Variants in SPOUT1 observed in about 807,000 individuals in gnomAD.
SPOUT1 encodes SPOUT domain containing methyltransferase 1, also known as 28S rRNA (uridine-N(3))-methyltransferase.
A neutral mutation model predicts 54.8 loss-of-function variants in SPOUT1; 40 were observed. The observed-to-expected ratio is 0.73, with a 90% CI of 0.57 to 0.95. The LOEUF (loss-of-function observed/expected upper bound fraction) is 0.95. Among genes scored for constraint, SPOUT1 ranks in the 40% least tolerant of loss-of-function variants. SPOUT1 has a pLI of 0.00. For synonymous variants in SPOUT1, 193 were observed against 200.3 expected (o/e 0.96, Z 0.31); for missense variants, 437 against 499.5 (o/e 0.87, Z 1.19).
chr9:128,827,336 C>T, intron 3 of SPOUT1, 145 bp from the exon 4 acceptor site: 2 of 682,602 alleles, frequency 2.9e-6, no homozygotes, highest in Non-Finnish European at 4.8e-6. Context: ...TCCAGCTCCC[C>T]TCTCTGGGCC....
At position 128,828,777 on chromosome 9, in the gene SPOUT1, G is replaced by T; in HGVS notation, c.166C>A (p.Arg56Ser). ...GCCGCTGCCTCCTCCTCTTCCAGGC[G>T]CTTTGCCTGTTCCTCCTGTGCCCGC... Reference protein sequence around the residue: ...RQRAQEEQAKRLEEEEAAAEK... With the variant: ...RQRAQEEQAKSLEEEEAAAEK... Residue 56 changes from arginine (R) to serine (S), a missense_variant, in exon 3 of 12, where the codon CGC becomes AGC. By Grantham distance (110) the Arg-to-Ser change is moderately radical. Transcript: ENST00000361256. 1 of 1,614,100 alleles carries T rather than the reference G, an allele frequency of 6.2e-7. No individual in the cohort carries two copies.
At chr9:128,828,984 G>C (rs1184033465) in intron 2 of SPOUT1, 124 bp from the exon 3 acceptor site, 1 of 1,507,672 alleles carries the variant, frequency 6.6e-7, no homozygotes, top group East Asian at 2.3e-5. Flanking sequence ...AGGGCTCCCG[G>C]CCCCTGCCTC....
chr9:128,822,692 G>T lies in SPOUT1; in HGVS notation c.*73C>A. ...GATTTTTGGAGACAAGTCTGGTGGC[G>T]TCCGTCCCAAGTGACCTGCAGAGCC... On this transcript the variant is annotated 3_prime_UTR_variant, in exon 12 of 12. Coordinates refer to ENST00000361256, the MANE Select transcript of SPOUT1 (RefSeq NM_016390.4). 3 of 1,553,584 alleles carry T rather than the reference G, an allele frequency of 1.9e-6. No individual in the cohort carries two copies. Among genetic ancestry groups the T allele is most frequent in the Non-Finnish European group, 2.6e-6 (3 of 1,147,826 alleles).
rs144810387 is a variant in SPOUT1, at chr9:128,828,768, C to T, written c.175G>A (p.Glu59Lys). The change falls in exon 3 of 12, where the codon GAG (glutamate) becomes AAG (lysine). Residue 59 changes from glutamate to lysine, a missense_variant. By Grantham distance (56) the Glu-to-Lys change is moderately conservative. Coordinates refer to ENST00000361256, the MANE Select transcript of SPOUT1 (RefSeq NM_016390.4). ...AQEEQAKRLE[E>K]EEAAAEKEDR... ...TCCTTCTCTGCCGCTGCCTCCTCCT[C>T]TTCCAGGCGCTTTGCCTGTTCCTCC... 4.6e-5 allele frequency: 74 copies of T among 1,614,038 alleles called. 1 individual carries two copies. The highest frequency in any genetic ancestry group is 1.7e-4 in the Middle Eastern group (1 of 6,022).
chr9:128,827,355 C>T (rs1830262039), intron 3 of SPOUT1, 164 bp from the exon 4 acceptor site: 5 of 638,558 alleles, frequency 7.8e-6, no homozygotes, highest in Non-Finnish European at 1.3e-5. Flanking sequence ...CCTCAGTCTC[C>T]CAGCAGTCTC....
Position 128,824,754 on chromosome 9 carries a change from G to T in SPOUT1, c.811+17C>A. On this transcript the variant is annotated intron_variant, in intron 9 of 11. Transcript: ENST00000361256. ...GAGGGATGGATGGATATTCAGAGAA[G>T]TAAGGTCTGTCCTTACTGAGGCAGG... The T allele has an allele frequency of 6.3e-7, 1 of 1,587,930 alleles. No individual in the cohort carries two copies. The highest frequency in any genetic ancestry group is 8.6e-7 in the Non-Finnish European group (1 of 1,157,238).
At chr9:128,828,666 T>A in intron 3 of SPOUT1, 69 bp downstream of exon 3, 1 of 1,566,122 alleles carries the variant, frequency 6.4e-7, no homozygotes, top group Non-Finnish European at 8.7e-7. Context: ...AGATAAGACA[T>A]CTCTGCTCTG....
At chr9:128,828,064 GTCT>G (rs1830275076) in intron 3 of SPOUT1, among the ~76,000 whole-genome samples, 4 of 152,206 alleles carry the variant, frequency 2.6e-5, no homozygotes. Context: ...GATTGTTCCT[GTCT>G]TCTTTGTAGT....
At position 128,822,597 on chromosome 9, in the gene SPOUT1, C is replaced by T. The variant is rs779416052; in HGVS notation, c.*168G>A. The T allele has an allele frequency of 2.2e-5, 34 of 1,569,114 alleles. No homozygotes were observed. In the South Asian group the frequency reaches 2.2e-4, roughly 10 times the overall value. On this transcript the variant is annotated 3_prime_UTR_variant, in exon 12 of 12. Transcript: ENST00000361256. ...GCAGGCAGCCTCAAGGCCATCACGGCGGGCAGTAAGTGAGGGTGGAGCCCA... is the reference window on the plus strand; with the variant it reads ...GCAGGCAGCCTCAAGGCCATCACGGTGGGCAGTAAGTGAGGGTGGAGCCCA...
chr9:128,820,949 G>GATGAGTAGGGAACTGGTA lies in SPOUT1; in HGVS notation c.*1815_*1816insTACCAGTTCCCTACTCAT. 2 of 1,042,154 alleles carry GATGAGTAGGGAACTGGTA rather than the reference G, an allele frequency of 1.9e-6. No homozygotes were observed. The highest frequency in any genetic ancestry group is 2.9e-6 in the Non-Finnish European group (2 of 700,582). 64.6% of individuals were successfully genotyped at this position (1,042,154 alleles called of 1,614,324 possible). A position where few individuals can be genotyped will look rare whatever the true frequency, so the allele number is the denominator to read the frequency against. ...TGCCCCAGGCTCTGGGTCAATACCA[G>GATGAGTAGGGAACTGGTA]TTCCCTACTCATCTGGTTTCTTGGC... On this transcript the variant is annotated 3_prime_UTR_variant, in exon 12 of 12. Coordinates refer to ENST00000361256, the MANE Select transcript of SPOUT1 (RefSeq NM_016390.4).
In SPOUT1 at chr9:128,825,027, AG is replaced by A. The variant is rs575038334; in HGVS notation, c.661del (p.Leu221TrpfsTer7). 7.0e-6 allele frequency: 11 copies of A among 1,576,278 alleles called. No homozygotes were observed. In the Admixed American group the frequency reaches 1.1e-4, roughly 16 times the overall value. On this transcript the variant is annotated frameshift_variant, in exon 8 of 12. Coordinates refer to ENST00000361256, the MANE Select transcript of SPOUT1 (RefSeq NM_016390.4). LOFTEE classifies it high-confidence loss of function. ...MKKEVKIDKN[L>X]EPGLRVTVRL... ...CACAGTCACCCGAAGCCCGGGCTCC[AG>A]GTTCTTGTCAATCTTCACCTCCTGG...
At chr9:128,824,916 C>G (rs1287222348) in intron 8 of SPOUT1, 47 bp from the exon 9 acceptor site, 1 of 1,597,988 alleles carries the variant, frequency 6.3e-7, no homozygotes, top group East Asian at 2.2e-5. Flanking sequence ...GGAATGGAAG[C>G]AGGTGGCTGA....
Position 128,829,752 on chromosome 9 carries a change from C to G in SPOUT1, c.29G>C (p.Cys10Ser). 4.4e-6 allele frequency: 7 copies of G among 1,601,984 alleles called. No homozygotes were observed. Among genetic ancestry groups the G allele is most frequent in the Non-Finnish European group, 6.0e-6 (7 of 1,175,196 alleles). ...CCCGCCGCCCGCACTTACCGGGCCG[C>G]ACGGCCGCTTCCTGCCGCGCTCCGC... MAERGRKRP[C>S]GPGEHGQRIE... is the part of the protein sequence containing the mutation. Residue 10 changes from cysteine (C) to serine (S), a missense_variant, in exon 1 of 12, where the codon TGC (cysteine) becomes TCC (serine). Coordinates refer to ENST00000361256, the MANE Select transcript of SPOUT1 (RefSeq NM_016390.4).
Position 128,826,919 on chromosome 9 carries a change from C to T in SPOUT1, c.368+113G>A. The T allele has an allele frequency of 1.8e-6, 2 of 1,126,634 alleles. No individual in the cohort carries two copies. The highest frequency in any genetic ancestry group is 1.3e-6 in the Non-Finnish European group (1 of 774,128). The allele number at this position is 1,126,634 out of a possible 1,614,324, so 69.8% of individuals were successfully genotyped here. A position where few individuals can be genotyped will look rare whatever the true frequency, so the allele number is the denominator to read the frequency against. On this transcript the variant is annotated intron_variant, in intron 4 of 11. Transcript: ENST00000361256. The surrounding 1 kb of genome is among the most constrained non-coding windows in gnomAD (Gnocchi z 5.5). The stretch of plus-strand genomic sequence containing the variant: ...AGGATTACACAGGGAATATTTCAGG[C>T]AGGGCACGAGGGAAGAGCCAGGCAT...
chr9:128,828,694 GT>G (rs758149308), intron 3 of SPOUT1, 40 bp downstream of exon 3: 2 of 1,608,414 alleles, frequency 1.2e-6, no homozygotes, highest in African/African-American at 2.7e-5. Context: ...GACAACTACC[GT>G]GGGCCACAAC....
Position 128,820,888 on chromosome 9 carries a change from A to C in SPOUT1, c.*1877T>G, listed in dbSNP as rs1589589070. 1 of 1,545,702 alleles carries C rather than the reference A, an allele frequency of 6.5e-7. No individual in the cohort carries two copies. On this transcript the variant is annotated 3_prime_UTR_variant, in exon 12 of 12. Coordinates refer to ENST00000361256, the MANE Select transcript of SPOUT1 (RefSeq NM_016390.4). The stretch of plus-strand genomic sequence containing the variant: ...AGGGGGGCGGCAGAACCTCCCACTC[A>C]CCTGAGGCCCCTACTGCCACTCACA...
At position 128,828,758 on chromosome 9, in the gene SPOUT1, GCCT is replaced by G. The variant is rs777565482; in HGVS notation, c.182_184del (p.Glu61del). The G allele has an allele frequency of 9.9e-6, 16 of 1,613,874 alleles. No individual in the cohort carries two copies. Among genetic ancestry groups the G allele is most frequent in the African/African-American group, 2.7e-5 (2 of 74,934 alleles). On this transcript the variant is annotated inframe_deletion, in exon 3 of 12. Coordinates refer to ENST00000361256, the MANE Select transcript of SPOUT1 (RefSeq NM_016390.4). ...ACCGCGGTCCTCCTTCTCTGCCGCT[GCCT>G]CCTCCTCTTCCAGGCGCTTTGCCTG...
At position 128,820,462 on chromosome 9, in the gene SPOUT1, C is replaced by T. The variant is rs1399770413; in HGVS notation, c.*2303G>A. The stretch of plus-strand genomic sequence containing the variant: ...GGGGCTGGGGACAGGCCTCAGTCCT[C>T]TCTGAAAGGTGGAGACAGGCTCTTC... On this transcript the variant is annotated 3_prime_UTR_variant, in exon 12 of 12. Transcript: ENST00000361256. The T allele has an allele frequency of 6.8e-6, 3 of 440,852 alleles. No homozygotes were observed. Among genetic ancestry groups the T allele is most frequent in the African/African-American group, 3.9e-5 (2 of 50,670 alleles). The allele number at this position is 440,852 out of a possible 1,614,324, so 27.3% of individuals were successfully genotyped here. A position where few individuals can be genotyped will look rare whatever the true frequency, so the allele number is the denominator to read the frequency against.
Position 128,822,233 on chromosome 9 carries a change from A to G in SPOUT1, c.*532T>C. The G allele has an allele frequency of 7.5e-6, 11 of 1,466,344 alleles. No homozygotes were observed. In the South Asian group the frequency reaches 1.4e-4, roughly 19 times the overall value. The allele number at this position is 1,466,344 out of a possible 1,614,324, so 90.8% of individuals were successfully genotyped here. Reference sequence around the variant, plus strand: ...TGAGGGCGTGGTCCTGCAGGTTGACAGAAGTTAGAGGACAGATCAGGGAAG... The same window carrying G: ...TGAGGGCGTGGTCCTGCAGGTTGACGGAAGTTAGAGGACAGATCAGGGAAG... On this transcript the variant is annotated 3_prime_UTR_variant, in exon 12 of 12. Transcript: ENST00000361256.
Sources: gnomAD v4.1 joint callset for allele counts (sites outside exome capture counted in the v4.1 genomes callset) on GRCh38, gnomAD v4.1.1 for gene constraint, Gnocchi (gnomAD v3.1) non-coding constraint, MANE v1.5 for transcripts, NCBI Gene and HGNC (gene_info 2026-07-23, HGNC 2026-07-21) for gene names.